Variants in LRP6 observed in about 807,000 individuals in gnomAD.
The protein encoded by LRP6 is low-density lipoprotein receptor-related protein 6.
Under a neutral mutation model 184.1 loss-of-function variants are expected in LRP6, and 43 were observed. The ratio of observed to expected loss-of-function variants is 0.23; its 90% CI spans 0.18 to 0.30. The LOEUF is 0.30. Among genes scored for constraint, LRP6 ranks in the 10% least tolerant of loss-of-function variants. The pLI is 1.00. For missense variants in LRP6, 1,571 were observed against 2,005.3 expected, an observed-to-expected ratio of 0.78 and a Z score of 4.14; for synonymous variants, 719 against 684.9, an observed-to-expected ratio of 1.05 and a Z score of -0.78.
Position 12,147,346 on chromosome 12 carries a change from G to A in LRP6, c.3397+20C>T. ...TCTTAAAAACTCAAATTAAAATAAG[G>A]AAACATATTTCTTGGGTACCTGAGA... On this transcript the variant is annotated intron_variant, in intron 15 of 22. Coordinates refer to ENST00000261349, the MANE Select transcript of LRP6 (RefSeq NM_002336.3). 1 of 1,612,500 alleles carries A rather than the reference G, an allele frequency of 6.2e-7. No homozygotes were observed. Among genetic ancestry groups the A allele is most frequent in the South Asian group, 1.1e-5 (1 of 91,004 alleles).
chr12:12,152,207 C>T (rs887971123), intron 12 of LRP6, among the ~76,000 whole-genome samples: 3 of 152,222 alleles, frequency 2.0e-5, no homozygotes, highest in East Asian at 3.9e-4. Flanking sequence ...CTCTTGCCAC[C>T]GCCAGGAAAG....
intron 2 of LRP6, chr12:12,210,963 G>A (rs1198985902): frequency 6.6e-6 from 1 of 152,122 alleles, no homozygotes; most frequent in African/African-American, 2.4e-5. Flanking sequence ...TAATAGAAGT[G>A]AAAAGAAAAA....
chr12:12,124,688 T>C (rs1949649569), intron 21 of LRP6, 26 bp from the exon 22 acceptor site: 5 of 1,397,460 alleles, frequency 3.6e-6, no homozygotes, highest in Middle Eastern at 3.9e-4. Context: ...AATTAAAATA[T>C]TAAAATAACA....
chr12:12,153,897 G>A (rs1950115187), intron 12 of LRP6, among the ~76,000 whole-genome samples: 1 of 152,186 alleles, frequency 6.6e-6, no homozygotes, highest in East Asian at 1.9e-4. Context: ...TGTTGCTCTT[G>A]TTTAAGAATA....
intron 12 of LRP6, chr12:12,155,867 CG>C (rs1950145075): frequency 3.3e-6 from 2 of 611,830 alleles, no homozygotes; most frequent in Non-Finnish European, 5.8e-6. Flanking sequence ...GGTAAAACAG[CG>C]TATGTGTTTT....
At chr12:12,200,274 A>C (rs550545973) in intron 3 of LRP6, among the ~76,000 whole-genome samples, 1 of 152,320 alleles carries the variant, frequency 6.6e-6, no homozygotes, top group East Asian at 1.9e-4. Flanking sequence ...TGGAATCCAC[A>C]TTCTTCCTGG....
At chr12:12,231,643 C>T (rs1864791200) in intron 2 of LRP6, among the ~76,000 whole-genome samples, 1 of 152,006 alleles carries the variant, frequency 6.6e-6, no homozygotes, top group Admixed American at 6.6e-5. Context: ...GTGGCTCATG[C>T]CTGTAGTCCC....
Position 12,149,048 on chromosome 12 carries a change from C to T in LRP6, c.3100G>A (p.Ala1034Thr). 6.2e-7 allele frequency: 1 copy of T among 1,614,034 alleles called. No homozygotes were observed. The highest frequency in any genetic ancestry group is 1.3e-5 in the African/African-American group (1 of 74,998). Reference protein sequence around the residue: ...YSRYIYWTCEATNVINVTRLD... With the variant: ...YSRYIYWTCETTNVINVTRLD... ...CTTGTCACATTAATGACATTGGTAG[C>T]CTCACAAGTCCAGTAGATGTAGCGG... Residue 1034 changes from alanine (A) to threonine (T), a missense_variant, in exon 14 of 23, where the codon GCT (alanine) becomes ACT (threonine). Ala to Thr is a moderately conservative substitution (Grantham distance 58). Around this residue, in one of 4 missense-constraint regions of LRP6, gnomAD observed 763 missense variants for 859.5 expected, o/e 0.89. Coordinates refer to ENST00000261349, the MANE Select transcript of LRP6 (RefSeq NM_002336.3).
chr12:12,184,165 G>T, intron 4 of LRP6, 54 bp from the exon 5 acceptor site: 2 of 1,524,690 alleles, frequency 1.3e-6, no homozygotes, highest in Non-Finnish European at 9.1e-7. Context: ...GTACACAAAG[G>T]TTAACAACCA....
intron 15 of LRP6, among the ~76,000 whole-genome samples, chr12:12,145,232 T>C (rs888509900): frequency 6.6e-6 from 1 of 151,752 alleles, no homozygotes; most frequent in African/African-American, 2.4e-5. Context: ...GAATATACTA[T>C]ACCAGGCGTG....
chr12:12,121,248 G>C lies in LRP6; in HGVS notation c.4720C>G (p.Arg1574Gly). 6.2e-7 allele frequency: 1 copy of C among 1,614,084 alleles called. No homozygotes were observed. The highest frequency in any genetic ancestry group is 1.3e-5 in the African/African-American group (1 of 75,006). ...SEPVPPPPTPRSQYLSAEENY... is the reference protein window; with the variant it reads ...SEPVPPPPTPGSQYLSAEENY... ...TCCTCTGCTGACAAGTATTGGCTTC[G>C]GGGTGTGGGAGGTGGGGGCACAGGT... Residue 1574 changes from arginine (R) to glycine (G), a missense_variant, in exon 23 of 23, where the codon CGA becomes GGA. Arg to Gly is a moderately radical substitution (Grantham distance 125). Transcript: ENST00000261349.
chr12:12,244,579 C>G lies in LRP6; in HGVS notation c.132G>C (p.Thr44=). ...CATCCTCCAAGCCTCCAACTACAAT[C>G]GTAGCATTCTCTTTGCCATTTGTAG... ...VDATNGKENA[T]IVVGGLEDAA... The change falls in exon 2 of 23, where the codon ACG becomes ACC. Residue 44 remains threonine (T), a synonymous_variant. Transcript: ENST00000261349. 5 of 1,614,152 alleles carry G rather than the reference C, an allele frequency of 3.1e-6. No homozygotes were observed. Among genetic ancestry groups the G allele is most frequent in the African/African-American group, 1.3e-5 (1 of 75,050 alleles).
chr12:12,241,380 C>T (rs1277560471), intron 2 of LRP6, among the ~76,000 whole-genome samples: 1 of 152,190 alleles, frequency 6.6e-6, no homozygotes, highest in African/African-American at 2.4e-5. Flanking sequence ...ACTAAAACCA[C>T]AATCCACGAT....
chr12:12,171,467 C>T (rs1210886019), intron 7 of LRP6, among the ~76,000 whole-genome samples: 2 of 151,672 alleles, frequency 1.3e-5, no homozygotes, highest in African/African-American at 4.8e-5. Flanking sequence ...GCTTGCAGTG[C>T]ACCGAGACTG....
intron 2 of LRP6, among the ~76,000 whole-genome samples, chr12:12,221,359 A>G (rs1864484117): frequency 6.6e-6 from 1 of 152,172 alleles, no homozygotes; most frequent in Non-Finnish European, 1.5e-5. Context: ...TGACAAGATA[A>G]CCAGTTCTTG....
rs202118059 is a variant in LRP6, at chr12:12,131,849, C to T, written c.3942G>A (p.Gln1314=). The T allele has an allele frequency of 5.6e-6, 9 of 1,614,156 alleles. No homozygotes were observed. Residue 1314 remains glutamine, a synonymous_variant, in exon 18 of 23, where the codon CAG becomes CAA. Coordinates refer to ENST00000261349, the MANE Select transcript of LRP6 (RefSeq NM_002336.3). The part of the protein sequence containing the change: ...ALRCNGDANC[Q]DKSDEKNCEV... The stretch of plus-strand genomic sequence containing the variant: ...CACAGTTCTTCTCATCTGATTTGTC[C>T]TGGCAGTTTGCATCTCCATTGCATC...
Position 12,131,846 on chromosome 12 carries a change from G to A in LRP6, c.3945C>T (p.Asp1315=), listed in dbSNP as rs778018118. The A allele has an allele frequency of 6.2e-7, 1 of 1,613,970 alleles. No homozygotes were observed. Among genetic ancestry groups the A allele is most frequent in the Non-Finnish European group, 8.5e-7 (1 of 1,179,978 alleles). ...CTTCACAGTTCTTCTCATCTGATTTGTCCTGGCAGTTTGCATCTCCATTGC... is the reference window on the plus strand; with the variant it reads ...CTTCACAGTTCTTCTCATCTGATTTATCCTGGCAGTTTGCATCTCCATTGC... ...LRCNGDANCQ[D]KSDEKNCEVL... The change falls in exon 18 of 23, where the codon GAC becomes GAT. Residue 1315 remains aspartate (D), a synonymous_variant. Transcript: ENST00000261349.
At chr12:12,250,680 T>C (rs1865303582) in intron 1 of LRP6, among the ~76,000 whole-genome samples, 1 of 152,136 alleles carries the variant, frequency 6.6e-6, no homozygotes, top group Admixed American at 6.5e-5. Flanking sequence ...TGGAGTGCAG[T>C]GGCACAATCT....
chr12:12,254,707 C>T (rs1412304976), intron 1 of LRP6, among the ~76,000 whole-genome samples: 1 of 152,210 alleles, frequency 6.6e-6, no homozygotes, highest in African/African-American at 2.4e-5. Flanking sequence ...TGACCAAATA[C>T]TTCTAAGTTA....
Sources: gnomAD v4.1 joint callset for allele counts (sites outside exome capture counted in the v4.1 genomes callset) on GRCh38, gnomAD v4.1.1 for gene constraint, gnomAD v4.1.1 regional missense constraint, MANE v1.5 for transcripts, NCBI Gene and HGNC (gene_info 2026-07-23, HGNC 2026-07-21) for gene names.